Variants in DLG2 observed in about 807,000 individuals in gnomAD.
The protein encoded by DLG2 is disks large homolog 2.
Under a neutral mutation model 132.5 loss-of-function variants are expected in DLG2, and 45 were observed. The observed-to-expected ratio is 0.34, with a 90% CI of 0.27 to 0.44. The LOEUF is 0.44. DLG2 is among the 20% of genes least tolerant of loss of function. The pLI, the probability that DLG2 is intolerant of heterozygous loss-of-function variation, is 1.00. For missense variants in DLG2, 1,045 were observed against 1,196.9 expected (o/e 0.87, Z 1.87); for synonymous variants, 424 against 419.6 (o/e 1.01, Z -0.13).
At chr11:84,622,992 C>T (rs371762455) in intron 6 of DLG2, among the ~76,000 whole-genome samples, 1 of 152,228 alleles carries the variant, frequency 6.6e-6, no homozygotes, top group East Asian at 1.9e-4. Context: ...AGTTTCATAG[C>T]CTCCAATCTA....
At chr11:84,171,253 T>A (rs947175181) in intron 8 of DLG2, among the ~76,000 whole-genome samples, 77 of 152,216 alleles carry the variant, frequency 5.1e-4, no homozygotes, top group African/African-American at 1.8e-3. Context: ...GCTATATTTT[T>A]AAAATTTGTA....
At chr11:84,744,584 C>T (rs2065112675) in intron 6 of DLG2, among the ~76,000 whole-genome samples, 1 of 152,066 alleles carries the variant, frequency 6.6e-6, no homozygotes, top group Admixed American at 6.6e-5. Flanking sequence ...CTAAACATAC[C>T]TTAATCTATT....
At chr11:84,842,677 A>C (rs953738324) in intron 6 of DLG2, among the ~76,000 whole-genome samples, 2 of 151,974 alleles carry the variant, frequency 1.3e-5, no homozygotes, top group African/African-American at 4.8e-5. Context: ...TGTGCGTAGT[A>C]GTAGGAGGAT....
chr11:85,324,023 C>T (rs917241476), intron 3 of DLG2, among the ~76,000 whole-genome samples: 4 of 152,140 alleles, frequency 2.6e-5, no homozygotes, highest in Admixed American at 2.0e-4. Context: ...GGGGAGTGAA[C>T]ATCTAACTCC....
intron 21 of DLG2, among the ~76,000 whole-genome samples, chr11:83,519,015 G>T (rs1454531343): frequency 6.6e-6 from 1 of 152,122 alleles, no homozygotes; most frequent in Non-Finnish European, 1.5e-5. Flanking sequence ...ATCAAGTGTG[G>T]GGGTCAGGAA....
intron 11 of DLG2, among the ~76,000 whole-genome samples, chr11:83,995,005 C>T (rs939340613): frequency 2.1e-5 from 3 of 145,508 alleles, no homozygotes; most frequent in Non-Finnish European, 3.0e-5. Context: ...TGTAAAGACA[C>T]TTGCCATATT....
At chr11:84,390,722 T>A (rs2098789824) in intron 7 of DLG2, among the ~76,000 whole-genome samples, 1 of 152,174 alleles carries the variant, frequency 6.6e-6, no homozygotes, top group South Asian at 2.1e-4. Flanking sequence ...TGTGGGGAAT[T>A]TATTTCATAA....
At position 85,200,591 on chromosome 11, in the gene DLG2, A is replaced by G. The variant is rs141611082; in HGVS notation, c.187-45940T>C. Among the ~76,000 whole-genome samples, 189 of 151,916 alleles carry G rather than the reference A, an allele frequency of 1.2e-3. 2 individuals are homozygous for G. In the South Asian group the frequency reaches 0.02, roughly 16 times the overall value. On this transcript the variant is annotated intron_variant, in intron 4 of 27. Transcript: ENST00000376104. The stretch of plus-strand genomic sequence containing the variant: ...TATGCAGGGACTTGCTGGGAGATGA[A>G]TATTTCTCTGAGCCAATAAGGCTGG...
chr11:84,307,388 A>G (rs1430130231), intron 7 of DLG2, among the ~76,000 whole-genome samples: 3 of 152,170 alleles, frequency 2.0e-5, no homozygotes, highest in African/African-American at 7.2e-5. Context: ...AAAACCACCT[A>G]TTGAATATTA....
At chr11:85,623,147 T>C (rs1163363881) in intron 2 of DLG2, among the ~76,000 whole-genome samples, 5 of 151,858 alleles carry the variant, frequency 3.3e-5, no homozygotes, top group African/African-American at 1.2e-4. Flanking sequence ...ATAAAAAAGA[T>C]AGGACTTAGC....
At chr11:85,436,005 C>A (rs185523015) in intron 3 of DLG2, among the ~76,000 whole-genome samples, 3 of 151,994 alleles carry the variant, frequency 2.0e-5, no homozygotes, top group Admixed American at 6.5e-5. Flanking sequence ...AGAAATAACA[C>A]CACACATTTA....
chr11:84,024,486 C>T (rs1234480837), intron 11 of DLG2, among the ~76,000 whole-genome samples: 2 of 151,978 alleles, frequency 1.3e-5, no homozygotes, highest in Non-Finnish European at 2.9e-5. Flanking sequence ...ACAATGATAG[C>T]CAAGTTATAG....
In DLG2 at chr11:83,983,990, TA is replaced by T. The variant is rs2093024979; in HGVS notation, c.920-3349del. ...ATTCCAAACTCTGAAAAGAGAAGGCTAAAACAAATTCAGAGACTCCAATTTA... is the reference window on the plus strand; with the variant it reads ...ATTCCAAACTCTGAAAAGAGAAGGCTAAACAAATTCAGAGACTCCAATTTA... On this transcript the variant is annotated intron_variant, in intron 11 of 27. Coordinates refer to ENST00000376104, the MANE Select transcript of DLG2 (RefSeq NM_001142699.3). Among the ~76,000 whole-genome samples the T allele has an allele frequency of 3.9e-5, 6 of 152,140 alleles. No individual in the cohort carries two copies. The South Asian group carries it at 1.2e-3, about 32-fold the overall frequency.
At chr11:84,916,366 A>AAAAAAAG (rs1258251982) in intron 6 of DLG2, among the ~76,000 whole-genome samples, 9 of 148,780 alleles carry the variant, frequency 6.0e-5, no homozygotes, top group Non-Finnish European at 1.2e-4. Flanking sequence ...AAAAAAAAAA[A>AAAAAAAG]AAAAAAAAAA....
intron 6 of DLG2, among the ~76,000 whole-genome samples, chr11:84,661,739 G>A (rs1256278999): frequency 6.6e-6 from 1 of 152,078 alleles, no homozygotes; most frequent in African/African-American, 2.4e-5. Flanking sequence ...CAGAGATTCA[G>A]AGAGACTGAG....
intron 8 of DLG2, among the ~76,000 whole-genome samples, chr11:84,246,574 G>T (rs534754580): frequency 3.0e-4 from 46 of 152,306 alleles, no homozygotes; most frequent in East Asian, 5.8e-4. Flanking sequence ...AGCATTGTAT[G>T]ATGAAGCTGC....
intron 18 of DLG2, among the ~76,000 whole-genome samples, chr11:83,695,700 C>T (rs2081792704): frequency 6.6e-6 from 1 of 152,108 alleles, no homozygotes; most frequent in Non-Finnish European, 1.5e-5. Context: ...GATGGTGCCA[C>T]TGCACTCCAG....
chr11:84,084,048 C>T (rs941220922), intron 10 of DLG2, among the ~76,000 whole-genome samples: 1 of 152,118 alleles, frequency 6.6e-6, no homozygotes, highest in Non-Finnish European at 1.5e-5. Flanking sequence ...ATATGTGAAC[C>T]TTTCTCCACA....
chr11:85,234,926 G>A (rs1378280609), intron 4 of DLG2, among the ~76,000 whole-genome samples: 2 of 151,902 alleles, frequency 1.3e-5, no homozygotes, highest in Non-Finnish European at 2.9e-5. Flanking sequence ...CCTTTCCAAT[G>A]TCCCTGTCAG....
Sources: allele counts gnomAD v4.1 joint callset (sites outside exome capture counted in the v4.1 genomes callset), GRCh38; gene constraint gnomAD v4.1.1; transcripts MANE v1.5; gene names NCBI Gene and HGNC (gene_info 2026-07-23, HGNC 2026-07-21).